PAN3: variants seen among roughly 807,000 people sequenced by gnomAD.
PAN3 encodes poly(A) specific ribonuclease subunit PAN3, also known as PAN2-PAN3 deadenylation complex subunit PAN3.
Under a neutral mutation model 96.2 loss-of-function variants are expected in PAN3, and 19 were observed. The ratio of observed to expected loss-of-function variants is 0.20; its 90% CI spans 0.14 to 0.29. The LOEUF (loss-of-function observed/expected upper bound fraction) is 0.29. PAN3 is among the 10% of genes least tolerant of loss of function. PAN3 has a pLI of 1.00. For missense variants in PAN3, 882 were observed against 1,108.1 expected, an observed-to-expected ratio of 0.80 and a Z score of 2.90; for synonymous variants, 433 against 406.6, an observed-to-expected ratio of 1.06 and a Z score of -0.78.
At chr13:28,215,737 T>C (rs535744980) in intron 5 of PAN3, 4 of 1,500,840 alleles carry the variant, frequency 2.7e-6, no homozygotes, top group South Asian at 2.3e-5. Context: ...GGCAAGCCCA[T>C]GTGTGCTGAG....
At chr13:28,270,526 G>A (rs1221726717) in intron 12 of PAN3, among the ~76,000 whole-genome samples, 175 bp from the exon 13 acceptor site, 1 of 152,154 alleles carries the variant, frequency 6.6e-6, no homozygotes, top group Non-Finnish European at 1.5e-5. Context: ...TCTCGGACAG[G>A]AATCTTTGGG....
intron 1 of PAN3, among the ~76,000 whole-genome samples, chr13:28,146,024 G>T (rs895895601): frequency 6.6e-6 from 1 of 152,044 alleles, no homozygotes; most frequent in Non-Finnish European, 1.5e-5. Context: ...GCCTCCCAAA[G>T]TGCTGGGATT....
intron 16 of PAN3, 140 bp from the exon 17 acceptor site, chr13:28,281,175 A>C: frequency 1.5e-6 from 1 of 671,102 alleles, no homozygotes; most frequent in Non-Finnish European, 2.6e-6. Context: ...TTTGTTTAAA[A>C]GTATAACCAA....
At chr13:28,204,623 T>G (rs1047733925) in intron 5 of PAN3, among the ~76,000 whole-genome samples, 3 of 152,216 alleles carry the variant, frequency 2.0e-5, no homozygotes, top group Non-Finnish European at 2.9e-5. Flanking sequence ...CTAACTCACT[T>G]GAATATTTTG....
At chr13:28,235,682 T>TACACACACACACACAC (rs143752644) in intron 6 of PAN3, among the ~76,000 whole-genome samples, 97 of 123,430 alleles carry the variant, frequency 7.9e-4, no homozygotes, top group African/African-American at 3.1e-3. Flanking sequence ...TTCTCTAATA[T>TACACACACACACACAC]ACACACACAC....
At chr13:28,250,782 G>T (rs116744172) in intron 6 of PAN3, among the ~76,000 whole-genome samples, 2,973 of 152,310 alleles carry the variant, frequency 0.02, 108 homozygotes, top group African/African-American at 0.067. Flanking sequence ...GGGATTACAG[G>T]TCTGAGCTAC....
At chr13:28,185,724 A>G (rs1389043087) in intron 4 of PAN3, among the ~76,000 whole-genome samples, 1 of 152,082 alleles carries the variant, frequency 6.6e-6, no homozygotes, top group Non-Finnish European at 1.5e-5. Flanking sequence ...GGCTGTACTC[A>G]TCATCTAATT....
chr13:28,184,318 C>T (rs1360036116), intron 4 of PAN3, among the ~76,000 whole-genome samples: 1 of 151,784 alleles, frequency 6.6e-6, no homozygotes, highest in Non-Finnish European at 1.5e-5. Context: ...CATTTAGTTA[C>T]ATCAACAGTT....
Position 28,149,949 on chromosome 13 carries a change from T to C in PAN3, c.430+10862T>C, listed in dbSNP as rs552347086. On this transcript the variant is annotated intron_variant, in intron 1 of 18. Transcript: ENST00000380958. ...CATTCTTTATATAGATATCTTACGC[T>C]GCTTTTAGAGATATCAAATACAGCA... is the stretch of plus-strand genomic sequence containing the variant. Among the ~76,000 whole-genome samples, 7 of 152,312 alleles carry C rather than the reference T, an allele frequency of 4.6e-5. No individual in the cohort carries two copies. In the South Asian group the frequency reaches 1.4e-3, roughly 32 times the overall value.
At chr13:28,151,959 G>A (rs1871417924) in intron 1 of PAN3, among the ~76,000 whole-genome samples, 1 of 152,118 alleles carries the variant, frequency 6.6e-6, no homozygotes, top group Admixed American at 6.6e-5. Context: ...GTGTATACTT[G>A]GCATTTAAAA....
intron 5 of PAN3, among the ~76,000 whole-genome samples, chr13:28,217,990 G>A (rs895516746): frequency 2.0e-5 from 3 of 151,552 alleles, no homozygotes; most frequent in Non-Finnish European, 4.4e-5. Context: ...TTTCTCAACA[G>A]GTATTTCATT....
intron 4 of PAN3, among the ~76,000 whole-genome samples, chr13:28,182,710 C>G (rs1875957228): frequency 6.6e-6 from 1 of 152,064 alleles, no homozygotes; most frequent in Admixed American, 6.6e-5. Flanking sequence ...GATGTGGTTG[C>G]TAGAGGTACA....
At position 28,226,452 on chromosome 13, in the gene PAN3, A is replaced by G. The variant is rs908990423; in HGVS notation, c.1000+6074A>G. Reference sequence around the variant, plus strand: ...AATAATGGTAGTTTGGCATTAAAGTATCCTTCTAATTAATTAATTAGATTT... The same window carrying G: ...AATAATGGTAGTTTGGCATTAAAGTGTCCTTCTAATTAATTAATTAGATTT... On this transcript the variant is annotated intron_variant, in intron 6 of 18. Coordinates refer to ENST00000380958, the MANE Select transcript of PAN3 (RefSeq NM_175854.8). 3.9e-5 allele frequency among the ~76,000 whole-genome samples: 6 copies of G among 152,332 alleles called. 1 individual carries two copies. The South Asian group carries it at 6.2e-4, about 16-fold the overall frequency.
chr13:28,213,379 G>C (rs990394578), intron 5 of PAN3, among the ~76,000 whole-genome samples: 3 of 152,014 alleles, frequency 2.0e-5, no homozygotes, highest in Admixed American at 6.6e-5. Flanking sequence ...AGTGATAGCT[G>C]ATTTCTCACT....
chr13:28,148,621 G>C (rs1054156723), intron 1 of PAN3, among the ~76,000 whole-genome samples: 2 of 152,108 alleles, frequency 1.3e-5, no homozygotes, highest in South Asian at 4.1e-4. Context: ...GTCTCCCAGA[G>C]ACACTCTTTC....
At chr13:28,223,262 CAT>C (rs1476605476) in intron 6 of PAN3, among the ~76,000 whole-genome samples, 2 of 152,164 alleles carry the variant, frequency 1.3e-5, no homozygotes, top group South Asian at 4.1e-4. Context: ...AAATTTGTGA[CAT>C]GTATTTCTAT....
chr13:28,184,706 A>C (rs1195007741), intron 4 of PAN3, among the ~76,000 whole-genome samples: 1 of 152,154 alleles, frequency 6.6e-6, no homozygotes, highest in African/African-American at 2.4e-5. Flanking sequence ...AAAAATCTTT[A>C]ATATTTTTGT....
intron 1 of PAN3, among the ~76,000 whole-genome samples, chr13:28,159,477 C>T (rs138218731): frequency 0.016 from 2,402 of 152,222 alleles, 55 homozygotes; most frequent in African/African-American, 0.054. Context: ...GATGGAGTTT[C>T]GCTCTTGTTT....
intron 14 of PAN3, among the ~76,000 whole-genome samples, chr13:28,274,159 T>G (rs1054886): frequency 6.6e-6 from 1 of 152,048 alleles, no homozygotes; most frequent in South Asian, 2.1e-4. Context: ...GGGAGGAATA[T>G]GATTAGTTCT....
Sources: gnomAD v4.1 joint callset for allele counts (sites outside exome capture counted in the v4.1 genomes callset) on GRCh38, gnomAD v4.1.1 for gene constraint, MANE v1.5 for transcripts, NCBI Gene and HGNC (gene_info 2026-07-23, HGNC 2026-07-21) for gene names.